Variants in SPATA31H1 observed in about 807,000 individuals in gnomAD.
SPATA31H1 encodes the protein SPATA31 subfamily H member 1.
the SPATA31H1 span, among the ~76,000 whole-genome samples, chr2:27,541,719 C>G: frequency 1.3e-5 from 2 of 151,978 alleles, no homozygotes; most frequent in Admixed American, 6.5e-5. Context: ...TCAAGCAGCT[C>G]AAATTAATGG....
chr2:27,560,459 TA>T, the SPATA31H1 span, among the ~76,000 whole-genome samples: 1 of 149,442 alleles, frequency 6.7e-6, no homozygotes, highest in African/African-American at 2.5e-5. Flanking sequence ...CCTCAAAGAG[TA>T]TTTTTTTTTT....
chr2:27,567,532 C>T, the SPATA31H1 span: 1 of 404,340 alleles, frequency 2.5e-6, no homozygotes, highest in Non-Finnish European at 4.4e-6. Context: ...TCAAATAGCA[C>T]AGAAACAAAA....
the SPATA31H1 span, chr2:27,574,354 A>G: frequency 2.5e-6 from 1 of 398,532 alleles, no homozygotes; most frequent in Non-Finnish European, 4.4e-6. Context: ...AAATCGGTAG[A>G]ATTCAAACCT....
At chr2:27,548,705 T>G in the SPATA31H1 span, among the ~76,000 whole-genome samples, 1 of 151,768 alleles carries the variant, frequency 6.6e-6, no homozygotes, top group Admixed American at 6.6e-5. Context: ...GATTTGTGAG[T>G]CTCTTAAGTG....
chr2:27,548,544 G>A, the SPATA31H1 span, among the ~76,000 whole-genome samples: 1 of 149,892 alleles, frequency 6.7e-6, no homozygotes, highest in Middle Eastern at 3.4e-3. Flanking sequence ...GGGGGAAGAG[G>A]TTGCATTGAG....
At chr2:27,555,815 A>G in the SPATA31H1 span, among the ~76,000 whole-genome samples, 2 of 151,846 alleles carry the variant, frequency 1.3e-5, no homozygotes, top group African/African-American at 4.9e-5. Context: ...AATATAATGC[A>G]TCTTTTATTT....
chr2:27,564,665 G>T, the SPATA31H1 span, among the ~76,000 whole-genome samples: 7 of 151,864 alleles, frequency 4.6e-5, no homozygotes, highest in African/African-American at 1.7e-4. Context: ...AAAAATACAA[G>T]AATTAGTTGG....
the SPATA31H1 span, chr2:27,579,580 C>T: frequency 2.4e-5 from 39 of 1,614,162 alleles, no homozygotes; most frequent in South Asian, 2.0e-4. Flanking sequence ...ACAAACTCAA[C>T]GTTCAATGGT....
chr2:27,567,174 A>G, the SPATA31H1 span: 1 of 658,546 alleles, frequency 1.5e-6, no homozygotes, highest in Non-Finnish European at 2.8e-6. Flanking sequence ...GAGAATGAGC[A>G]AGAGTCATTT....
chr2:27,575,055 T>G, the SPATA31H1 span: 1 of 398,518 alleles, frequency 2.5e-6, no homozygotes, highest in Non-Finnish European at 4.4e-6. The surrounding 1 kb of genome is among the most constrained non-coding windows in gnomAD (Gnocchi z 4.1). Context: ...AGATAGAAAA[T>G]TATCTATGTT....
At chr2:27,550,298 A>C in the SPATA31H1 span, among the ~76,000 whole-genome samples, 1 of 151,326 alleles carries the variant, frequency 6.6e-6, no homozygotes, top group East Asian at 1.9e-4. Flanking sequence ...TAAACATTAC[A>C]CATCATTTAT....
chr2:27,541,934 CT>C, the SPATA31H1 span, among the ~76,000 whole-genome samples: 1 of 151,924 alleles, frequency 6.6e-6, no homozygotes, highest in East Asian at 1.9e-4. Flanking sequence ...CCATGCCTAG[CT>C]AATTTTTTAA....
chr2:27,577,297 G>A, the SPATA31H1 span: 40 of 1,613,936 alleles, frequency 2.5e-5, no homozygotes, highest in East Asian at 6.7e-5. The surrounding 1 kb of genome is among the most constrained non-coding windows in gnomAD (Gnocchi z 4.5). Context: ...TCTCAGTCAC[G>A]GCCCCGAGTT....
the SPATA31H1 span, among the ~76,000 whole-genome samples, chr2:27,563,462 C>T: frequency 2.5e-5 from 3 of 120,306 alleles, no homozygotes; most frequent in South Asian, 8.5e-4. Context: ...GTGGAAGGAT[C>T]ACATCTCACT....
At chr2:27,550,416 T>C in the SPATA31H1 span, among the ~76,000 whole-genome samples, 2 of 140,192 alleles carry the variant, frequency 1.4e-5, no homozygotes, top group Admixed American at 1.4e-4. Context: ...GTTAAATTTT[T>C]TTTTTTTTTT....
chr2:27,563,385 CTTTTTTT>C, the SPATA31H1 span, among the ~76,000 whole-genome samples: 859 of 68,732 alleles, frequency 0.012, 8 homozygotes, highest in Non-Finnish European at 0.016. Flanking sequence ...TCTTCTACTT[CTTTTTTT>C]TTTTTTTTTT....
At chr2:27,580,327 G>A in the SPATA31H1 span, 1 of 1,614,034 alleles carries the variant, frequency 6.2e-7, no homozygotes, top group Non-Finnish European at 8.5e-7. Context: ...AGAGCACCTG[G>A]GCACTATGAA....
chr2:27,573,621 T>A, the SPATA31H1 span: 1 of 398,524 alleles, frequency 2.5e-6, no homozygotes, highest in East Asian at 3.6e-5. Context: ...ATCAAAGCTC[T>A]GTGATATAAA....
the SPATA31H1 span, chr2:27,580,300 T>C: frequency 2.5e-6 from 4 of 1,613,988 alleles, no homozygotes; most frequent in African/African-American, 4.0e-5. Context: ...CCTGACTTAG[T>C]AGAAAAGACA....
Sources: allele counts gnomAD v4.1 joint callset (sites outside exome capture counted in the v4.1 genomes callset), GRCh38; gene constraint gnomAD v4.1.1; non-coding constraint Gnocchi (gnomAD v3.1); transcripts MANE v1.5; gene names NCBI Gene and HGNC (gene_info 2026-07-23, HGNC 2026-07-21).